The following COL21A1 variants were observed in gnomAD, a reference collection of about 807,000 sequenced individuals.
COL21A1 encodes the protein collagen alpha-1(XXI) chain.
COL21A1 carries 149 observed loss-of-function variants against 137.9 expected under a neutral mutation model. The ratio of observed to expected loss-of-function variants is 1.08; its 90% CI spans 0.95 to 1.24. COL21A1 has a LOEUF of 1.24. Ranked by LOEUF, COL21A1 falls within the 50% of genes most tolerant of loss-of-function variation. The pLI is 0.00. For synonymous variants in COL21A1, 456 were observed against 391.5 expected (o/e 1.16, Z -1.95); for missense variants, 1,167 against 1,158.4 (o/e 1.01, Z -0.11).
At chr6:56,071,585 C>T (rs1766759667) in intron 20 of COL21A1, among the ~76,000 whole-genome samples, 1 of 151,488 alleles carries the variant, frequency 6.6e-6, no homozygotes, top group Non-Finnish European at 1.5e-5. Flanking sequence ...AAACCAATGC[C>T]ATTTTCAGCT....
chr6:56,341,948 T>C (rs1021110372), intron 1 of COL21A1, among the ~76,000 whole-genome samples: 3 of 152,224 alleles, frequency 2.0e-5, no homozygotes, highest in African/African-American at 7.2e-5. Context: ...AAAAATATTT[T>C]TGAAATTTAA....
intron 1 of COL21A1, among the ~76,000 whole-genome samples, chr6:56,286,013 T>G (rs572558520): frequency 6.6e-6 from 1 of 152,300 alleles, no homozygotes; most frequent in African/African-American, 2.4e-5. Flanking sequence ...TGGATTTCAT[T>G]AGCTCAATCT....
At chr6:56,081,767 C>T (rs1330788893) in intron 17 of COL21A1, among the ~76,000 whole-genome samples, 2 of 151,848 alleles carry the variant, frequency 1.3e-5, no homozygotes, top group Non-Finnish European at 1.5e-5. Flanking sequence ...AATCTAAGAA[C>T]GTTGGATGAA....
intron 29 of COL21A1, among the ~76,000 whole-genome samples, 153 bp downstream of exon 29, chr6:56,059,012 A>T (rs1050149966): frequency 2.6e-5 from 4 of 152,198 alleles, no homozygotes; most frequent in Non-Finnish European, 4.4e-5. Context: ...TATATGAAAA[A>T]ATATTCCAGA....
At chr6:56,112,451 G>C (rs1771511825) in intron 16 of COL21A1, among the ~76,000 whole-genome samples, 1 of 152,048 alleles carries the variant, frequency 6.6e-6, no homozygotes, top group Non-Finnish European at 1.5e-5. Context: ...ACTCCATATT[G>C]CTGAAAGAGG....
intron 1 of COL21A1, among the ~76,000 whole-genome samples, chr6:56,238,793 G>A (rs1562014814): frequency 6.6e-6 from 1 of 152,102 alleles, no homozygotes; most frequent in Admixed American, 6.6e-5. Flanking sequence ...ACCTAAAGAA[G>A]CAACAAGCTT....
chr6:56,210,615 A>G (rs968406250), intron 1 of COL21A1, among the ~76,000 whole-genome samples: 1 of 152,202 alleles, frequency 6.6e-6, no homozygotes, highest in African/African-American at 2.4e-5. Flanking sequence ...CCTTAACATC[A>G]TTAAAGTAGA....
chr6:56,386,947 C>A (rs75735454), intron 1 of COL21A1, among the ~76,000 whole-genome samples: 1 of 152,102 alleles, frequency 6.6e-6, no homozygotes. Context: ...TTCCATCTCC[C>A]TCATTCCTAA....
chr6:56,077,888 T>G (rs1049250209), intron 17 of COL21A1: 3 of 370,268 alleles, frequency 8.1e-6, no homozygotes, highest in African/African-American at 6.4e-5. Context: ...GAACACATTC[T>G]TGTATTCTAA....
chr6:56,341,290 A>G (rs1298445851), intron 1 of COL21A1, among the ~76,000 whole-genome samples: 3 of 152,226 alleles, frequency 2.0e-5, no homozygotes, highest in Admixed American at 2.0e-4. Context: ...GAAAATTTTG[A>G]TAAGGTATGA....
intron 12 of COL21A1, 149 bp downstream of exon 12, chr6:56,141,636 C>T: frequency 2.7e-6 from 2 of 737,218 alleles, no homozygotes; most frequent in South Asian, 3.5e-5. Context: ...CTTCTATAAG[C>T]TTTATTGTCT....
intron 1 of COL21A1, among the ~76,000 whole-genome samples, chr6:56,370,682 GT>G (rs1383473637): frequency 6.6e-6 from 1 of 152,196 alleles, no homozygotes; most frequent in Non-Finnish European, 1.5e-5. Context: ...ACATGAATCA[GT>G]TGTAGCATAA....
intron 23 of COL21A1, among the ~76,000 whole-genome samples, chr6:56,065,017 T>G (rs1424528018): frequency 1.3e-5 from 2 of 152,068 alleles, no homozygotes; most frequent in African/African-American, 4.8e-5. Context: ...CAAGAAGATC[T>G]CTTTAAAATT....
intron 1 of COL21A1, among the ~76,000 whole-genome samples, chr6:56,225,334 G>T (rs1182118109): frequency 1.3e-5 from 2 of 152,020 alleles, no homozygotes; most frequent in Non-Finnish European, 2.9e-5. Context: ...TCCAACACCT[G>T]CTGCTGAGTG....
intron 1 of COL21A1, among the ~76,000 whole-genome samples, chr6:56,257,904 T>C (rs1421643075): frequency 6.6e-6 from 1 of 152,178 alleles, no homozygotes; most frequent in Non-Finnish European, 1.5e-5. Context: ...AAATTTATGT[T>C]CATTATTTAA....
intron 1 of COL21A1, among the ~76,000 whole-genome samples, chr6:56,346,120 T>C (rs1765591956): frequency 6.6e-6 from 1 of 152,230 alleles, no homozygotes; most frequent in Admixed American, 6.5e-5. Context: ...GACAACTCAA[T>C]GACATTTCAC....
At chr6:56,198,260 G>C (rs766608802) in intron 1 of COL21A1, among the ~76,000 whole-genome samples, 3 of 152,026 alleles carry the variant, frequency 2.0e-5, no homozygotes, top group Non-Finnish European at 4.4e-5. Flanking sequence ...CAAATTTTGA[G>C]ATATATGATG....
intron 1 of COL21A1, among the ~76,000 whole-genome samples, chr6:56,332,631 A>AG (rs1190977926): frequency 1.3e-5 from 2 of 148,850 alleles, no homozygotes; most frequent in Non-Finnish European, 2.9e-5. Context: ...CCATTAGCAG[A>AG]GTAGGGTCGG....
At chr6:56,272,985 A>T (rs1763563409) in intron 1 of COL21A1, among the ~76,000 whole-genome samples, 1 of 152,192 alleles carries the variant, frequency 6.6e-6, no homozygotes, top group Non-Finnish European at 1.5e-5. Context: ...CTTGGTCATA[A>T]AGCAAATTTC....
Sources: gnomAD v4.1 joint callset for allele counts (sites outside exome capture counted in the v4.1 genomes callset) on GRCh38, gnomAD v4.1.1 for gene constraint, MANE v1.5 for transcripts, NCBI Gene and HGNC (gene_info 2026-07-23, HGNC 2026-07-21) for gene names.